PDE4DIP: variants seen among roughly 807,000 people sequenced by gnomAD.
PDE4DIP encodes phosphodiesterase 4D interacting protein, also known as myomegalin.
Under a neutral mutation model 221.4 loss-of-function variants are expected in PDE4DIP, and 59 were observed. The ratio of observed to expected loss-of-function variants is 0.27; its 90% CI spans 0.22 to 0.33. The LOEUF (loss-of-function observed/expected upper bound fraction) is 0.33. PDE4DIP is among the 10% of genes least tolerant of loss of function. The pLI, the probability that PDE4DIP is intolerant of heterozygous loss-of-function variation, is 1.00. For synonymous variants in PDE4DIP, 404 were observed against 815.9 expected, an observed-to-expected ratio of 0.50 and a Z score of 8.60; for missense variants, 1,036 against 2,154.2, an observed-to-expected ratio of 0.48 and a Z score of 10.28.
intron 5 of PDE4DIP, among the ~76,000 whole-genome samples, chr1:148,947,938 C>A (rs1425988638): frequency 6.6e-6 from 1 of 151,682 alleles, no homozygotes; most frequent in Non-Finnish European, 1.5e-5. Flanking sequence ...AATGCAAATT[C>A]TTGAGCCCCA....
chr1:149,029,343 G>A (rs2076052130), intron 41 of PDE4DIP, among the ~76,000 whole-genome samples: 2 of 152,230 alleles, frequency 1.3e-5, no homozygotes, highest in Non-Finnish European at 1.5e-5. Context: ...ATTCCAGGGA[G>A]AGGGTGTTTT....
intron 37 of PDE4DIP, among the ~76,000 whole-genome samples, chr1:149,021,959 G>A (rs1553620000): frequency 6.8e-6 from 1 of 147,240 alleles, no homozygotes; most frequent in Non-Finnish European, 1.5e-5. Context: ...ACAGCAGGCT[G>A]GAACAGAGGA....
intron 43 of PDE4DIP, chr1:149,031,312 C>CT (rs1331632969): frequency 6.5e-6 from 1 of 153,866 alleles, no homozygotes; most frequent in Non-Finnish European, 1.4e-5. Flanking sequence ...AAGCTTTCCC[C>CT]TCCACCTCCC....
At chr1:149,020,645 A>C (rs587652427) in intron 36 of PDE4DIP, 1 of 366,274 alleles carries the variant, frequency 2.7e-6, no homozygotes, top group Non-Finnish European at 5.0e-6. Flanking sequence ...GATATAGGAC[A>C]TTAGTCTCAC....
intron 27 of PDE4DIP, chr1:149,006,467 T>C (rs2067074225): frequency 1.3e-5 from 2 of 152,206 alleles, no homozygotes; most frequent in South Asian, 4.1e-4. Flanking sequence ...TCAGCCACAG[T>C]ATCGTAACAT....
intron 1 of PDE4DIP, among the ~76,000 whole-genome samples, chr1:148,915,101 C>T (rs1199397702): frequency 6.0e-5 from 9 of 150,550 alleles, no homozygotes; most frequent in Non-Finnish European, 8.9e-5. Flanking sequence ...ATTGATATGG[C>T]GGTAAGAGAC....
exon 43 of PDE4DIP, chr1:149,030,272 C>T (rs1553635671): frequency 2.6e-6 from 4 of 1,520,482 alleles, no homozygotes; most frequent in Non-Finnish European, 1.8e-6. Flanking sequence ...CAAGGACTAA[C>T]TTAGAGGTAA....
At chr1:148,920,102 T>G (rs587722369) in intron 1 of PDE4DIP, among the ~76,000 whole-genome samples, 4 of 147,382 alleles carry the variant, frequency 2.7e-5, no homozygotes. Context: ...GCTGTCAAGA[T>G]TTTTTAAAAA....
intron 1 of PDE4DIP, among the ~76,000 whole-genome samples, chr1:148,927,392 C>T (rs587708751): frequency 1.2e-4 from 19 of 152,062 alleles, no homozygotes; most frequent in African/African-American, 2.4e-4. Flanking sequence ...AGTCCAACTG[C>T]CTTCCAGCTC....
At chr1:148,829,044 A>T (rs368143343) in intron 1 of PDE4DIP, among the ~76,000 whole-genome samples, 1 of 149,830 alleles carries the variant, frequency 6.7e-6, no homozygotes, top group African/African-American at 2.4e-5. Context: ...ACACACACAC[A>T]CACTCACACA....
chr1:148,951,910 T>C (rs2053408467), intron 5 of PDE4DIP: 1 of 487,706 alleles, frequency 2.1e-6, no homozygotes, highest in Non-Finnish European at 2.7e-6. Flanking sequence ...AAGCCTTCCC[T>C]CGCCTGCCTC....
At chr1:148,859,466 A>G (rs1258608150) in intron 1 of PDE4DIP, among the ~76,000 whole-genome samples, 3 of 151,812 alleles carry the variant, frequency 2.0e-5, no homozygotes, top group Admixed American at 6.6e-5. Flanking sequence ...ATATTAATAT[A>G]TGTGGTTTTA....
intron 18 of PDE4DIP, 92 bp from the exon 22 acceptor site, chr1:148,978,186 C>A: frequency 7.6e-7 from 1 of 1,308,086 alleles, no homozygotes; most frequent in East Asian, 2.3e-5. Flanking sequence ...AAAGTATAGG[C>A]AGAATATTTC....
chr1:148,984,953 A>G (rs1205353379), intron 21 of PDE4DIP: 1 of 152,170 alleles, frequency 6.6e-6, no homozygotes, highest in South Asian at 2.1e-4. Context: ...CAAGTAGGGT[A>G]TCATGTAGTA....
At chr1:148,981,289 C>T in exon 21 of PDE4DIP, 1 of 1,613,654 alleles carries the variant, frequency 6.2e-7, no homozygotes, top group East Asian at 2.2e-5. Context: ...AGACCGAACT[C>T]TGCAGGTGGA....
rs782131276 is a variant in PDE4DIP, at chr1:148,923,626, A to G, written c.142-5571A>G. ...GTAGCTGGGACTACAGGAGCCCGCCACCGCTCCCGGCTAATTTTTTGTATT... is the reference window on the plus strand; with the variant it reads ...GTAGCTGGGACTACAGGAGCCCGCCGCCGCTCCCGGCTAATTTTTTGTATT... On this transcript the variant is annotated intron_variant, in intron 1 of 43. Coordinates refer to ENST00000369354, the Ensembl canonical transcript of PDE4DIP. 5.1e-4 allele frequency among the ~76,000 whole-genome samples: 73 copies of G among 144,520 alleles called. 12 individuals carry two copies. The highest frequency in any genetic ancestry group is 9.8e-4 in the Non-Finnish European group (65 of 66,086). 94.8% of individuals were successfully genotyped at this position (144,520 alleles called of 152,430 possible).
In PDE4DIP at chr1:149,001,710, CTG is replaced by C. The variant is rs1336700338; in HGVS notation, c.3260_3261del (p.Val1087GlyfsTer8). On this transcript the variant is annotated frameshift_variant, in exon 24 of 44. Coordinates refer to ENST00000369354, the Ensembl canonical transcript of PDE4DIP. LOFTEE classifies it high-confidence loss of function. The stretch of plus-strand genomic sequence containing the variant: ...GAGAAGGGCGAGGTGATGGTTGAGA[CTG>C]TGGTAACCAAAGAGGGTCTGAGTGA... 1 of 1,513,532 alleles carries C rather than the reference CTG, an allele frequency of 6.6e-7. No individual in the cohort carries two copies. The highest frequency in any genetic ancestry group is 9.2e-7 in the Non-Finnish European group (1 of 1,089,404). 93.8% of individuals were successfully genotyped at this position (1,513,532 alleles called of 1,614,324 possible). A position where few individuals can be genotyped will look rare whatever the true frequency, so the allele number is the denominator to read the frequency against.
rs782183651 is a variant in PDE4DIP, at chr1:148,998,388, T to A, written c.3137+13T>A. ...TGTCCCACATCAGGTAGGACATTCTTCCCAGGGAAGGGGAGCTTGCAGGTC... is the reference window on the plus strand; with the variant it reads ...TGTCCCACATCAGGTAGGACATTCTACCCAGGGAAGGGGAGCTTGCAGGTC... On this transcript the variant is annotated intron_variant, in intron 23 of 43. Transcript: ENST00000369354. 1.3e-6 allele frequency: 2 copies of A among 1,536,288 alleles called. No homozygotes were observed. Among genetic ancestry groups the A allele is most frequent in the East Asian group, 4.5e-5 (2 of 44,144 alleles).
At chr1:148,890,740 G>A (rs1409566303) in intron 1 of PDE4DIP, among the ~76,000 whole-genome samples, 1 of 89,822 alleles carries the variant, frequency 1.1e-5, no homozygotes, top group African/African-American at 5.6e-5. Context: ...AGGTGACAGA[G>A]CAAGAGTCTG....
Sources: gnomAD v4.1 joint callset for allele counts (sites outside exome capture counted in the v4.1 genomes callset) on GRCh38, gnomAD v4.1.1 for gene constraint, MANE v1.5 for transcripts, NCBI Gene and HGNC (gene_info 2026-07-23, HGNC 2026-07-21) for gene names.